PEDS1: variants seen among roughly 807,000 people sequenced by gnomAD.
PEDS1 encodes CarF homolog.
In PEDS1, 14 loss-of-function variants were observed where a neutral mutation model predicts 35.2. The observed-to-expected ratio is 0.40, with a 90% confidence interval of 0.26 to 0.62. The LOEUF is 0.62. PEDS1 is among the 20% of genes least tolerant of loss of function. PEDS1 has a pLI of 0.44. For missense variants in PEDS1, 260 were observed against 367.8 expected, an observed-to-expected ratio of 0.71 and a Z score of 2.40; for synonymous variants, 152 against 152.0, an observed-to-expected ratio of 1.00 and a Z score of 0.00.
At chr20:50,150,877 G>A (rs534700913) in intron 1 of PEDS1, among the ~76,000 whole-genome samples, 1 of 152,180 alleles carries the variant, frequency 6.6e-6, no homozygotes, top group Non-Finnish European at 1.5e-5. Context: ...TGTATTTTTA[G>A]TAGAGTCGGG....
rs999036143 is a variant in PEDS1 at position 50,128,966 on chromosome 20, C to T, written c.478+580G>A. Among the ~76,000 whole-genome samples, 3 of 152,198 alleles carry T rather than the reference C, an allele frequency of 2.0e-5. No homozygotes were observed. Among genetic ancestry groups the T allele is most frequent in the South Asian group, 2.1e-4 (1 of 4,834 alleles). ...GTGCCATAGCACCCACTACACTACA[C>T]GTCCTCACCACCTCTACCCACCGGA... On this transcript the variant is annotated intron_variant, in intron 4 of 5. Coordinates refer to ENST00000371652, the MANE Select transcript of PEDS1 (RefSeq NM_199129.4). The surrounding 1 kb of genome is among the most constrained non-coding windows in gnomAD (Gnocchi z 5.2).
At chr20:50,143,391 T>C in intron 2 of PEDS1, 111 bp downstream of exon 2, 1 of 1,498,454 alleles carries the variant, frequency 6.7e-7, no homozygotes, top group South Asian at 1.3e-5. Flanking sequence ...AGGCACATAC[T>C]GGACTCAAGC....
At chr20:50,153,455 G>C (rs548564356) in intron 1 of PEDS1, 62 bp downstream of exon 1, 73 of 1,267,676 alleles carry the variant, frequency 5.8e-5, no homozygotes, top group Non-Finnish European at 7.0e-5. Context: ...CTCCAGTCTG[G>C]GGTCGCTGTC....
At chr20:50,153,460 G>A in intron 1 of PEDS1, 57 bp downstream of exon 1, 1 of 1,270,204 alleles carries the variant, frequency 7.9e-7, no homozygotes. Context: ...GTCTGGGGTC[G>A]CTGTCCGCAG....
In PEDS1 at chr20:50,136,259, T is replaced by C. The variant is rs536784607; in HGVS notation, c.242-5312A>G. On this transcript the variant is annotated intron_variant, in intron 2 of 5. Coordinates refer to ENST00000371652, the MANE Select transcript of PEDS1 (RefSeq NM_199129.4). ...CTAAACACTTAATCCTCACAGATAA[T>C]GAGAAAGATGAGCATAATAAAAATT... Among the ~76,000 whole-genome samples, 5 of 152,242 alleles carry C rather than the reference T, an allele frequency of 3.3e-5. No homozygotes were observed. The South Asian group carries it at 1.0e-3, about 32-fold the overall frequency.
chr20:50,124,876 A>AT lies in PEDS1; in HGVS notation c.*181_*182insA. The AT allele has an allele frequency of 1.3e-6, 1 of 761,904 alleles. No homozygotes were observed. The highest frequency in any genetic ancestry group is 2.9e-5 in the East Asian group (1 of 34,900). 47.2% of individuals were successfully genotyped at this position (761,904 alleles called of 1,614,324 possible). ...GAGGGGCCGAGGAAAAAAAAAAAAA[A>AT]GAAATGAAAAATCAGTGGCTCAAGT... On this transcript the variant is annotated 3_prime_UTR_variant, in exon 6 of 6. Coordinates refer to ENST00000371652, the MANE Select transcript of PEDS1 (RefSeq NM_199129.4).
In PEDS1 at chr20:50,129,427, G is replaced by T; in HGVS notation, c.478+119C>A. ...TTTCCTGATTTTACATGAAGACAAT[G>T]AATGAAAACTCTTTTAAAATACCAT... On this transcript the variant is annotated intron_variant, in intron 4 of 5. Transcript: ENST00000371652. This position sits in a 1 kb window ranked among gnomAD's most constrained non-coding sequence, Gnocchi z 4.2. 7.1e-7 allele frequency: 1 copy of T among 1,401,842 alleles called. No homozygotes were observed. 86.8% of individuals were successfully genotyped at this position (1,401,842 alleles called of 1,614,324 possible). A position where few individuals can be genotyped will look rare whatever the true frequency, so the allele number is the denominator to read the frequency against.
chr20:50,127,356 T>C (rs990627777), intron 5 of PEDS1, among the ~76,000 whole-genome samples: 4 of 147,092 alleles, frequency 2.7e-5, no homozygotes, highest in Non-Finnish European at 4.5e-5. Flanking sequence ...TTTTTTTTTT[T>C]TTTTTTTTTG....
At chr20:50,150,781 C>T (rs752911474) in intron 1 of PEDS1, among the ~76,000 whole-genome samples, 10 of 152,042 alleles carry the variant, frequency 6.6e-5, no homozygotes, top group South Asian at 2.1e-4. Context: ...CAACAACCTC[C>T]GCCTCCTGGG....
chr20:50,145,621 G>T (rs1160099735), intron 1 of PEDS1, among the ~76,000 whole-genome samples: 4 of 152,040 alleles, frequency 2.6e-5, no homozygotes, highest in African/African-American at 9.7e-5. Flanking sequence ...AACCCAGAAG[G>T]CGGAGGTTAC....
rs749753581 is a variant in PEDS1 at position 50,128,159 on chromosome 20, C to T, written c.507G>A (p.Glu169=). The change falls in exon 5 of 6, where the codon GAG becomes GAA. Residue 169 remains glutamate, a synonymous_variant. Transcript: ENST00000371652. This position sits in a 1 kb window ranked among gnomAD's most constrained non-coding sequence, Gnocchi z 5.2. The stretch of plus-strand genomic sequence containing the variant: ...AGATGATCAGGCAGAAGACGAAGCA[C>T]TCCCAGGGGTATAGCTGCTCCAGGG... ...PEALEQLYPW[E]CFVFCLIIFG... The T allele has an allele frequency of 2.5e-6, 4 of 1,614,026 alleles. No individual in the cohort carries two copies. In the African/African-American group the frequency reaches 4.0e-5, roughly 16 times the overall value.
chr20:50,141,439 G>A (rs1028464348), intron 2 of PEDS1, among the ~76,000 whole-genome samples: 23 of 152,204 alleles, frequency 1.5e-4, no homozygotes, highest in Non-Finnish European at 2.6e-4. Flanking sequence ...TCCCCTCCCC[G>A]CCCCTGCTTA....
At position 50,120,945 on chromosome 20, in the gene PEDS1, G is replaced by C. The variant is rs2081046516; in HGVS notation, c.*4113C>G. 6.6e-6 allele frequency: 1 copy of C among 152,218 alleles called. No individual in the cohort carries two copies. Among genetic ancestry groups the C allele is most frequent in the South Asian group, 2.1e-4 (1 of 4,814 alleles). 9.4% of individuals were successfully genotyped at this position (152,218 alleles called of 1,614,324 possible). A position where few individuals can be genotyped will look rare whatever the true frequency, so the allele number is the denominator to read the frequency against. The stretch of plus-strand genomic sequence containing the variant: ...ACAGTGAGCACACAGGGGTATGCAA[G>C]TTCACTACAGCTCCCCCGGTTGAGC... On this transcript the variant is annotated 3_prime_UTR_variant, in exon 6 of 6. Coordinates refer to ENST00000371652, the MANE Select transcript of PEDS1 (RefSeq NM_199129.4).
At chr20:50,132,048 A>G (rs1396926998) in intron 2 of PEDS1, among the ~76,000 whole-genome samples, 1 of 152,136 alleles carries the variant, frequency 6.6e-6, no homozygotes, top group Admixed American at 6.5e-5. Context: ...TACTAAAAAT[A>G]CAAAAATTAG....
intron 1 of PEDS1, among the ~76,000 whole-genome samples, chr20:50,144,752 T>A (rs138404939): frequency 6.6e-6 from 1 of 152,154 alleles, no homozygotes; most frequent in Non-Finnish European, 1.5e-5. Flanking sequence ...CGTGGAGAGA[T>A]GTCCAGGACA....
At chr20:50,131,494 C>T (rs1345827554) in intron 2 of PEDS1, among the ~76,000 whole-genome samples, 7 of 151,944 alleles carry the variant, frequency 4.6e-5, no homozygotes, top group Non-Finnish European at 1.0e-4. Context: ...TGGTGGCATG[C>T]GCCTGTAGTC....
Position 50,123,036 on chromosome 20 carries a change from A to G in PEDS1, c.*2022T>C, listed in dbSNP as rs1032851434. The G allele has an allele frequency of 2.0e-5, 3 of 152,000 alleles. No individual in the cohort carries two copies. Among genetic ancestry groups the G allele is most frequent in the African/African-American group, 7.3e-5 (3 of 41,370 alleles). 9.4% of individuals were successfully genotyped at this position (152,000 alleles called of 1,614,324 possible). A position where few individuals can be genotyped will look rare whatever the true frequency, so the allele number is the denominator to read the frequency against. ...CAGGAGTTCAAGGTTGCTGTGAGCT[A>G]TTACACCTCACCTCTGCACTTTAGC... is the stretch of plus-strand genomic sequence containing the variant. On this transcript the variant is annotated 3_prime_UTR_variant, in exon 6 of 6. Transcript: ENST00000371652.
chr20:50,151,010 C>T (rs2081397392), intron 1 of PEDS1, among the ~76,000 whole-genome samples: 1 of 152,102 alleles, frequency 6.6e-6, no homozygotes, highest in South Asian at 2.1e-4. Flanking sequence ...CCATTTTTTT[C>T]TGTCTTGTTC....
rs1601208377 is a variant in PEDS1, at chr20:50,128,334, A to C, written c.479-147T>G. 6 of 972,978 alleles carry C rather than the reference A, an allele frequency of 6.2e-6. No individual in the cohort carries two copies. 60.3% of individuals were successfully genotyped at this position (972,978 alleles called of 1,614,324 possible). ...TTCCACCCCCTGCAGGGCCGCAGGC[A>C]AGCTCAGGTGCTGCCCTGGGCTTCA... On this transcript the variant is annotated intron_variant, in intron 4 of 5. Transcript: ENST00000371652. This position sits in a 1 kb window ranked among gnomAD's most constrained non-coding sequence, Gnocchi z 5.2.
Sources: allele counts gnomAD v4.1 joint callset (sites outside exome capture counted in the v4.1 genomes callset), GRCh38; gene constraint gnomAD v4.1.1; non-coding constraint Gnocchi (gnomAD v3.1); transcripts MANE v1.5; gene names NCBI Gene and HGNC (gene_info 2026-07-23, HGNC 2026-07-21).